Variants in FAM234A observed in about 807,000 individuals in gnomAD.
The protein encoded by FAM234A is protein FAM234A.
A neutral mutation model predicts 49.1 loss-of-function variants in FAM234A; 42 were observed. That is an observed-to-expected ratio of 0.86 (90% CI 0.67 to 1.11). The LOEUF (loss-of-function observed/expected upper bound fraction) is 1.11. Ranked by LOEUF, FAM234A falls within the 50% of genes least tolerant of loss-of-function variation. The pLI is 0.00. For missense variants in FAM234A, 815 were observed against 745.2 expected (o/e 1.09, Z -1.09); for synonymous variants, 369 against 316.2 (o/e 1.17, Z -1.77).
chr16:266,298 C>A (rs1046765163), downstream of FAM234A, among the ~76,000 whole-genome samples: 1 of 152,210 alleles, frequency 6.6e-6, no homozygotes, highest in Non-Finnish European at 1.5e-5. Context: ...ATCTTGACAT[C>A]CTCTGGGGGT....
intron 3 of FAM234A, among the ~76,000 whole-genome samples, chr16:257,803 T>C (rs1249311647): frequency 6.6e-6 from 1 of 152,066 alleles, no homozygotes; most frequent in African/African-American, 2.4e-5. Context: ...CTGGGCAACG[T>C]AGCCAGACCC....
At chr16:236,153 AC>A (rs1300224273) in intron 1 of FAM234A, among the ~76,000 whole-genome samples, 1 of 148,838 alleles carries the variant, frequency 6.7e-6, no homozygotes, top group African/African-American at 2.5e-5. Flanking sequence ...TAGGGGTTTC[AC>A]CATGTTGGCC....
Position 265,850 on chromosome 16 carries a change from A to G in FAM234A, c.*828A>G. The G allele has an allele frequency of 3.0e-6, 3 of 986,010 alleles. No homozygotes were observed. Among genetic ancestry groups the G allele is most frequent in the Non-Finnish European group, 3.6e-6 (3 of 830,232 alleles). 61.1% of individuals were successfully genotyped at this position (986,010 alleles called of 1,614,324 possible). The stretch of plus-strand genomic sequence containing the variant: ...CACTGGAGCTGCTCTGTCCCTGAAG[A>G]GGCCCCGTGCCCCAGGCATGGCAAG... On this transcript the variant is annotated 3_prime_UTR_variant, in exon 13 of 13. Transcript: ENST00000399932.
At chr16:235,056 G>T (rs1046890676) in intron 1 of FAM234A, among the ~76,000 whole-genome samples, 199 bp downstream of exon 1, 5 of 152,246 alleles carry the variant, frequency 3.3e-5, no homozygotes, top group African/African-American at 4.8e-5. Context: ...GTCCCTCAGC[G>T]GGTCGGCAGC....
intron 1 of FAM234A, among the ~76,000 whole-genome samples, chr16:241,031 A>ATTCTCGT (rs2050593397): frequency 6.6e-6 from 1 of 151,934 alleles, no homozygotes; most frequent in South Asian, 2.1e-4. Flanking sequence ...GGCTCAAGGG[A>ATTCTCGT]ACCTCAGTCT....
chr16:252,286 A>G (rs1475009752), intron 2 of FAM234A, among the ~76,000 whole-genome samples: 1 of 147,218 alleles, frequency 6.8e-6, no homozygotes, highest in East Asian at 2.1e-4. Flanking sequence ...GGTTCAAGCC[A>G]TTCTCCTGCC....
At position 262,373 on chromosome 16, in the gene FAM234A, G is replaced by A. The variant is rs369411191; in HGVS notation, c.842-51G>A. On this transcript the variant is annotated intron_variant, in intron 7 of 12. Coordinates refer to ENST00000399932, the MANE Select transcript of FAM234A (RefSeq NM_032039.4). ...ATGTGGCACTGCGTGCCCCTGGTCC[G>A]GGTTCACAGCGTGACCCTGGTGACC... 45 of 1,558,804 alleles carry A rather than the reference G, an allele frequency of 2.9e-5. No individual in the cohort carries two copies. The East Asian group carries it at 2.9e-4, about 10-fold the overall frequency.
chr16:269,404 G>A (rs753578704), downstream of FAM234A: 19 of 1,594,284 alleles, frequency 1.2e-5, no homozygotes, highest in Non-Finnish European at 1.5e-5. Context: ...GAAGGCGGCT[G>A]AGAACAGGCT....
chr16:242,461 A>T (rs2050651690), intron 1 of FAM234A, among the ~76,000 whole-genome samples: 1 of 151,880 alleles, frequency 6.6e-6, no homozygotes, highest in Non-Finnish European at 1.5e-5. Flanking sequence ...TGATCTGTCC[A>T]CCTCGGCCTC....
intron 2 of FAM234A, among the ~76,000 whole-genome samples, chr16:252,795 A>C (rs1468733459): frequency 6.6e-6 from 1 of 152,230 alleles, no homozygotes; most frequent in Non-Finnish European, 1.5e-5. Flanking sequence ...GCAGTCCCTT[A>C]TCTCTCTGTC....
chr16:260,679 C>T, intron 5 of FAM234A: 1 of 468,262 alleles, frequency 2.1e-6, no homozygotes, highest in South Asian at 1.6e-5. Context: ...CTCCTTGCAC[C>T]TCATCGCGGT....
chr16:261,276 C>T (rs2051453597), intron 5 of FAM234A, 108 bp from the exon 6 acceptor site: 5 of 1,348,604 alleles, frequency 3.7e-6, no homozygotes, highest in Non-Finnish European at 4.1e-6. Context: ...CGTGGGCTCA[C>T]GAGGGTGATG....
intron 1 of FAM234A, among the ~76,000 whole-genome samples, chr16:238,777 A>AG (rs1281111369): frequency 2.0e-4 from 29 of 143,690 alleles, no homozygotes; most frequent in Non-Finnish European, 2.7e-4. Flanking sequence ...AAAAAAAAAA[A>AG]AAAAAAAAAG....
At chr16:263,673 G>T in intron 9 of FAM234A, 27 bp from the exon 10 acceptor site, 13 of 1,583,380 alleles carry the variant, frequency 8.2e-6, no homozygotes, top group Non-Finnish European at 1.1e-5. Flanking sequence ...GAGACCCCTC[G>T]TGAGCGCTTC....
intron 1 of FAM234A, among the ~76,000 whole-genome samples, chr16:244,680 CTCT>C (rs2050741312): frequency 7.1e-6 from 1 of 140,650 alleles, no homozygotes; most frequent in African/African-American, 2.7e-5. Flanking sequence ...GAATGGTAAC[CTCT>C]TTTTTTTTTT....
chr16:269,717 G>A (rs536617815), downstream of FAM234A: 2 of 721,676 alleles, frequency 2.8e-6, no homozygotes, highest in East Asian at 5.4e-5. Context: ...GGTGCTGGAG[G>A]CAGCCGCCTC....
At chr16:238,029 T>C (rs1305267698) in intron 1 of FAM234A, among the ~76,000 whole-genome samples, 1 of 151,500 alleles carries the variant, frequency 6.6e-6, no homozygotes, top group Non-Finnish European at 1.5e-5. Flanking sequence ...TATTTATTTA[T>C]TTATTTTGAG....
At chr16:268,928 TGGGG>T, downstream of FAM234A, 3 of 1,550,458 alleles carry the variant, frequency 1.9e-6, no homozygotes, top group Non-Finnish European at 2.6e-6. Flanking sequence ...GTTTTAGAGA[TGGGG>T]ATGGGCACCC....
At chr16:237,846 A>C (rs1167864743) in intron 1 of FAM234A, among the ~76,000 whole-genome samples, 2 of 151,202 alleles carry the variant, frequency 1.3e-5, no homozygotes, top group African/African-American at 4.9e-5. Flanking sequence ...TGGGACTACA[A>C]GCACGTACTA....
Sources: gnomAD v4.1 joint callset for allele counts (sites outside exome capture counted in the v4.1 genomes callset) on GRCh38, gnomAD v4.1.1 for gene constraint, MANE v1.5 for transcripts, NCBI Gene and HGNC (gene_info 2026-07-23, HGNC 2026-07-21) for gene names.